The following STXBP5L variants were observed in gnomAD, a reference collection of about 807,000 sequenced individuals.
STXBP5L encodes syntaxin binding protein 5L.
A neutral mutation model predicts 144.5 loss-of-function variants in STXBP5L; 65 were observed. The observed-to-expected ratio is 0.45, with a 90% confidence interval of 0.37 to 0.55. The LOEUF (loss-of-function observed/expected upper bound fraction) is 0.55, where lower values mean the gene tolerates loss of function less well. Ranked by LOEUF, STXBP5L falls within the 20% of genes least tolerant of loss-of-function variation. The pLI, the probability that STXBP5L is intolerant of heterozygous loss-of-function variation, is 0.00. For synonymous variants in STXBP5L, 505 were observed against 469.6 expected (o/e 1.08, Z -0.97); for missense variants, 1,298 against 1,405.5 (o/e 0.92, Z 1.22).
chr3:121,294,129 T>C (rs1472702378), intron 19 of STXBP5L, among the ~76,000 whole-genome samples: 2 of 152,230 alleles, frequency 1.3e-5, no homozygotes, highest in Non-Finnish European at 2.9e-5. Flanking sequence ...GAAAATATTG[T>C]GGAGCCAAAA....
intron 9 of STXBP5L, among the ~76,000 whole-genome samples, chr3:121,199,463 T>C (rs1028734642): frequency 6.6e-6 from 1 of 152,192 alleles, no homozygotes; most frequent in African/African-American, 2.4e-5. Context: ...CCTAACTGAA[T>C]ACCTTTCATT....
At chr3:121,352,878 G>T (rs1024040609) in intron 20 of STXBP5L, among the ~76,000 whole-genome samples, 2 of 152,104 alleles carry the variant, frequency 1.3e-5, no homozygotes, top group Non-Finnish European at 2.9e-5. Flanking sequence ...TTTATTGAGA[G>T]TTCTTAGCAT....
In STXBP5L at chr3:121,419,437, G is replaced by GA. The variant is rs373778927; in HGVS notation, c.*348dup. 2.7e-5 allele frequency: 5 copies of GA among 182,778 alleles called. No homozygotes were observed. In the South Asian group the frequency reaches 5.9e-4, roughly 22 times the overall value. 11.3% of individuals were successfully genotyped at this position (182,778 alleles called of 1,614,324 possible). ...AAACAAAAGCATTAATGCACTTAAT[G>GA]AAAAAAAATCTTTGCATGATAAATT... On this transcript the variant is annotated 3_prime_UTR_variant, in exon 27 of 27. Transcript: ENST00000471454.
At chr3:121,158,756 T>C (rs1171248625) in intron 9 of STXBP5L, 4 of 152,216 alleles carry the variant, frequency 2.6e-5, no homozygotes, top group Non-Finnish European at 1.5e-5. Flanking sequence ...ATGCCTTTTA[T>C]ATGTAAAAGT....
intron 7 of STXBP5L, among the ~76,000 whole-genome samples, chr3:121,136,234 A>G (rs1056807380): frequency 4.6e-5 from 7 of 152,208 alleles, no homozygotes; most frequent in Non-Finnish European, 1.0e-4. Flanking sequence ...AAAGGAAAGT[A>G]TAAGCATAGA....
chr3:121,367,790 C>CTTTTTTT (rs200992044), intron 20 of STXBP5L, among the ~76,000 whole-genome samples: 47,488 of 105,672 alleles, frequency 0.45, 12,748 homozygotes, highest in East Asian at 0.67. Context: ...TTTGCTTTTC[C>CTTTTTTT]TTTTTTTTTT....
At chr3:121,194,901 T>C (rs1170555509) in intron 9 of STXBP5L, among the ~76,000 whole-genome samples, 3 of 148,736 alleles carry the variant, frequency 2.0e-5, no homozygotes, top group Non-Finnish European at 4.4e-5. Flanking sequence ...TAGGTCCCTC[T>C]TTTCACTCTT....
intron 3 of STXBP5L, among the ~76,000 whole-genome samples, chr3:120,998,335 G>A (rs935844445): frequency 6.6e-6 from 1 of 152,130 alleles, no homozygotes; most frequent in Non-Finnish European, 1.5e-5. Flanking sequence ...AGGAAACCCT[G>A]TAATCTGTGC....
chr3:121,098,924 G>T (rs114673712), intron 5 of STXBP5L, among the ~76,000 whole-genome samples: 1 of 151,994 alleles, frequency 6.6e-6, no homozygotes, highest in African/African-American at 2.4e-5. Flanking sequence ...CATTATCATG[G>T]TCCCCAGCAT....
intron 3 of STXBP5L, among the ~76,000 whole-genome samples, chr3:120,991,296 A>C (rs1006986098): frequency 1.3e-5 from 2 of 151,628 alleles, no homozygotes; most frequent in East Asian, 1.9e-4. Flanking sequence ...ATCTCACACC[A>C]GTTAGAATGG....
chr3:121,350,416 T>G (rs1053845929), intron 20 of STXBP5L, among the ~76,000 whole-genome samples: 3 of 152,168 alleles, frequency 2.0e-5, no homozygotes, highest in Non-Finnish European at 4.4e-5. Context: ...TCAACTTTGG[T>G]GAATCTGACA....
At chr3:121,008,384 G>A (rs1208511422) in intron 3 of STXBP5L, among the ~76,000 whole-genome samples, 3 of 151,890 alleles carry the variant, frequency 2.0e-5, no homozygotes, top group African/African-American at 7.2e-5. Context: ...CCCTCCCCTG[G>A]AACTAATGTC....
At chr3:120,940,701 C>T (rs1273330021) in intron 2 of STXBP5L, among the ~76,000 whole-genome samples, 1 of 150,466 alleles carries the variant, frequency 6.6e-6, no homozygotes, top group Non-Finnish European at 1.5e-5. Flanking sequence ...ATTGTTCTTT[C>T]AGTCTTGTGT....
chr3:121,344,927 TAA>T (rs971350360), intron 20 of STXBP5L, among the ~76,000 whole-genome samples: 37 of 150,262 alleles, frequency 2.5e-4, no homozygotes, highest in African/African-American at 8.3e-4. Context: ...AGTATGTATA[TAA>T]GATTATAAGA....
At chr3:121,125,563 G>A (rs1008975651) in intron 7 of STXBP5L, among the ~76,000 whole-genome samples, 38 of 151,990 alleles carry the variant, frequency 2.5e-4, no homozygotes, top group Non-Finnish European at 4.7e-4. Context: ...TTGGTCTATC[G>A]AATACAAAAG....
chr3:121,007,258 C>G (rs554579333), intron 3 of STXBP5L, among the ~76,000 whole-genome samples: 272 of 152,114 alleles, frequency 1.8e-3, no homozygotes, highest in African/African-American at 6.4e-3. Flanking sequence ...GATACATTAT[C>G]TATCTTATAT....
At chr3:121,232,260 C>G (rs2049334180) in intron 11 of STXBP5L, among the ~76,000 whole-genome samples, 1 of 152,106 alleles carries the variant, frequency 6.6e-6, no homozygotes, top group Non-Finnish European at 1.5e-5. Context: ...GAACATACCC[C>G]CTTATTCTTC....
intron 2 of STXBP5L, among the ~76,000 whole-genome samples, chr3:120,917,707 GATAA>G (rs1288950588): frequency 5.9e-5 from 9 of 152,030 alleles, no homozygotes; most frequent in Admixed American, 5.2e-4. Flanking sequence ...CTGTCTCTAA[GATAA>G]ATAAATAAGT....
intron 5 of STXBP5L, among the ~76,000 whole-genome samples, chr3:121,095,138 G>A (rs971431594): frequency 2.0e-4 from 31 of 152,310 alleles, no homozygotes; most frequent in African/African-American, 7.2e-4. Flanking sequence ...GGCTTGTAGA[G>A]TTTCTGCCGA....
Sources: allele counts gnomAD v4.1 joint callset (sites outside exome capture counted in the v4.1 genomes callset), GRCh38; gene constraint gnomAD v4.1.1; transcripts MANE v1.5; gene names NCBI Gene and HGNC (gene_info 2026-07-23, HGNC 2026-07-21).